MTMR12: variants seen among roughly 807,000 people sequenced by gnomAD.
The protein encoded by MTMR12 is myotubularin related protein 12, also known as myotubularin-related protein 12.
Under a neutral mutation model 96.7 loss-of-function variants are expected in MTMR12, and 33 were observed. That is an observed-to-expected ratio of 0.34 (90% confidence interval 0.26 to 0.46). MTMR12 has a LOEUF of 0.46. MTMR12 is among the 20% of genes least tolerant of loss of function. The pLI is 1.00. For missense variants in MTMR12, 721 were observed against 896.1 expected (o/e 0.80, Z 2.49); for synonymous variants, 298 against 327.2 (o/e 0.91, Z 0.96).
At chr5:32,273,384 T>G (rs1749916975) in intron 3 of MTMR12, among the ~76,000 whole-genome samples, 1 of 151,804 alleles carries the variant, frequency 6.6e-6, no homozygotes, top group South Asian at 2.1e-4. Context: ...TCAAAAACAA[T>G]TAAAAATAAA....
At chr5:32,241,279 C>T (rs933248445) in intron 12 of MTMR12, among the ~76,000 whole-genome samples, 1 of 152,190 alleles carries the variant, frequency 6.6e-6, no homozygotes, top group African/African-American at 2.4e-5. Flanking sequence ...CAGAGCCCTG[C>T]ACATGGCAGA....
chr5:32,272,049 TGGG>T (rs1359428471), intron 3 of MTMR12, 144 bp from the exon 4 acceptor site: 2 of 438,048 alleles, frequency 4.6e-6, no homozygotes, highest in Non-Finnish European at 8.2e-6. Context: ...CCCAGCACTT[TGGG>T]AGGCCGACGC....
intron 1 of MTMR12, among the ~76,000 whole-genome samples, chr5:32,289,299 G>A (rs1030410611): frequency 1.3e-5 from 2 of 152,134 alleles, no homozygotes; most frequent in Non-Finnish European, 2.9e-5. Flanking sequence ...ATGCACAAAA[G>A]ACTAGTTTGA....
chr5:32,237,290 A>G (rs1213291966), intron 13 of MTMR12, among the ~76,000 whole-genome samples: 1 of 152,234 alleles, frequency 6.6e-6, no homozygotes, highest in African/African-American at 2.4e-5. Flanking sequence ...TCAATAAGGC[A>G]GCCAAGGGAG....
At chr5:32,270,707 T>C in intron 5 of MTMR12, 110 bp downstream of exon 5, 1 of 1,243,026 alleles carries the variant, frequency 8.0e-7, no homozygotes, top group Non-Finnish European at 1.1e-6. Context: ...CAATTTCAAG[T>C]TCACAGAGTG....
rs749909030 is a variant in MTMR12, at chr5:32,276,728, G to A, written c.96C>T (p.Asn32=). Residue 32 remains asparagine, a synonymous_variant, in exon 2 of 16, where the codon AAC becomes AAT. Coordinates refer to ENST00000382142, the MANE Select transcript of MTMR12 (RefSeq NM_001040446.3). Reference sequence around the variant, plus strand: ...CTTCCTTCTCTGTTACTTCCTTTTCGTTTGTGTGAATTTCCTAAAAGAGAA... The same window carrying A: ...CTTCCTTCTCTGTTACTTCCTTTTCATTTGTGTGAATTTCCTAAAAGAGAA... ...SYVRPEEIHT[N]EKEVTEKEVT... is the part of the protein sequence containing the mutation. The A allele has an allele frequency of 3.7e-6, 6 of 1,613,482 alleles. No individual in the cohort carries two copies. The highest frequency in any genetic ancestry group is 1.1e-5 in the South Asian group (1 of 91,056).
At chr5:32,236,771 A>T (rs1259507112) in intron 13 of MTMR12, among the ~76,000 whole-genome samples, 1 of 151,100 alleles carries the variant, frequency 6.6e-6, no homozygotes, top group Non-Finnish European at 1.5e-5. Flanking sequence ...CAGGAAGAGG[A>T]GGTGGCAATG....
In MTMR12 at chr5:32,271,848, C is replaced by T. The variant is rs1749848113; in HGVS notation, c.343G>A (p.Asp115Asn). Residue 115 changes from aspartate (D) to asparagine (N), a missense_variant, in exon 4 of 16, where the codon GAT (aspartate) becomes AAT (asparagine). Coordinates refer to ENST00000382142, the MANE Select transcript of MTMR12 (RefSeq NM_001040446.3). ...AGATACTTACCTCCATAAATCTGAT[C>T]AACACAGTGGAGTGTAATGTCATTT... ...GENDITLHCV[D>N]QIYGVFDEKK... 6.3e-7 allele frequency: 1 copy of T among 1,581,374 alleles called. No individual in the cohort carries two copies.
chr5:32,232,012 G>A (rs954024297), intron 15 of MTMR12, among the ~76,000 whole-genome samples: 5 of 152,228 alleles, frequency 3.3e-5, no homozygotes, highest in African/African-American at 1.2e-4. Context: ...CCAGAGCCTG[G>A]GCTCTCTACT....
chr5:32,304,880 G>A (rs1489341926), intron 1 of MTMR12, among the ~76,000 whole-genome samples: 4 of 152,152 alleles, frequency 2.6e-5, no homozygotes, highest in Admixed American at 1.3e-4. Context: ...CAGGAAGCAC[G>A]GGCAGGAGAG....
intron 8 of MTMR12, among the ~76,000 whole-genome samples, chr5:32,252,859 G>C (rs1039204402): frequency 7.2e-5 from 11 of 152,192 alleles, no homozygotes; most frequent in African/African-American, 2.7e-4. Context: ...AATAAGCACA[G>C]AGAATAAGTG....
At chr5:32,276,160 C>A (rs1750043845) in intron 2 of MTMR12, among the ~76,000 whole-genome samples, 1 of 152,190 alleles carries the variant, frequency 6.6e-6, no homozygotes, top group African/African-American at 2.4e-5. Context: ...TCCTCTACCT[C>A]AAAAATATTT....
Position 32,248,875 on chromosome 5 carries a change from A to C in MTMR12, c.793T>G (p.Trp265Gly). The change falls in exon 9 of 16, where the codon TGG becomes GGG. Residue 265 changes from tryptophan (W) to glycine (G), a missense_variant. Physicochemically the swap from Trp to Gly is radical, Grantham distance 184. Transcript: ENST00000382142. Reference protein sequence around the residue: ...QRFQGHGIPIWCWSCHNGSAL... With the variant: ...QRFQGHGIPIGCWSCHNGSAL... ...CTTCCATTGTGGCAGGACCAACACC[A>C]TATCTGTAGAAACAAATAAAGCTTT... is the stretch of plus-strand genomic sequence containing the variant. The C allele has an allele frequency of 6.2e-7, 1 of 1,611,994 alleles. No homozygotes were observed. Among genetic ancestry groups the C allele is most frequent in the Non-Finnish European group, 8.5e-7 (1 of 1,178,056 alleles).
chr5:32,254,256 T>C (rs1486031751), intron 8 of MTMR12, among the ~76,000 whole-genome samples: 1 of 152,218 alleles, frequency 6.6e-6, no homozygotes, highest in Non-Finnish European at 1.5e-5. Context: ...AGGCCACAGC[T>C]ATTTTCATAA....
intron 3 of MTMR12, among the ~76,000 whole-genome samples, chr5:32,273,589 A>G (rs75069262): frequency 0.014 from 2,155 of 152,302 alleles, 56 homozygotes; most frequent in African/African-American, 0.049. Flanking sequence ...AAGTTGACAC[A>G]TGAGGTCAAA....
chr5:32,280,297 T>C (rs1750243895), intron 1 of MTMR12, among the ~76,000 whole-genome samples: 1 of 152,172 alleles, frequency 6.6e-6, no homozygotes. Context: ...AAAACTGAAA[T>C]TGTTGTTCTC....
At chr5:32,231,974 T>G (rs1466481489) in intron 15 of MTMR12, among the ~76,000 whole-genome samples, 1 of 152,216 alleles carries the variant, frequency 6.6e-6, no homozygotes, top group Non-Finnish European at 1.5e-5. Context: ...TGCTGCTCAG[T>G]GCCAAAGGTG....
rs1285924570 is a variant in MTMR12, at chr5:32,261,174, G to A, written c.713+1939C>T. Among the ~76,000 whole-genome samples, 767 of 148,712 alleles carry A rather than the reference G, an allele frequency of 5.2e-3. 5 individuals are homozygous for A. The highest frequency in any genetic ancestry group is 0.022 in the East Asian group (102 of 4,720). On this transcript the variant is annotated intron_variant, in intron 7 of 15. Coordinates refer to ENST00000382142, the MANE Select transcript of MTMR12 (RefSeq NM_001040446.3). ...CTTGAACCCAGGAGGCAGAGGTTGC[G>A]GTGAGCCGAGATAGCACCACTGCAC...
intron 1 of MTMR12, among the ~76,000 whole-genome samples, chr5:32,297,447 A>C (rs1300173500): frequency 6.6e-6 from 1 of 152,100 alleles, no homozygotes; most frequent in African/African-American, 2.4e-5. Context: ...ACAGGCAATG[A>C]CCTTGGACAA....
Sources: gnomAD v4.1 joint callset for allele counts (sites outside exome capture counted in the v4.1 genomes callset) on GRCh38, gnomAD v4.1.1 for gene constraint, MANE v1.5 for transcripts, NCBI Gene and HGNC (gene_info 2026-07-23, HGNC 2026-07-21) for gene names.